SMIM36: variants seen among roughly 807,000 people sequenced by gnomAD.
The protein encoded by SMIM36 is small integral membrane protein 36.
chr17:55,482,043 A>T (rs1909529492), intron 1 of SMIM36, among the ~76,000 whole-genome samples: 1 of 152,132 alleles, frequency 6.6e-6, no homozygotes. Context: ...GTGGTATAGG[A>T]CAATAACCCT....
At chr17:55,502,511 G>T (rs944349769) in intron 1 of SMIM36, among the ~76,000 whole-genome samples, 1 of 108,834 alleles carries the variant, frequency 9.2e-6, no homozygotes, top group Non-Finnish European at 1.8e-5. Flanking sequence ...GCAGCTGAGG[G>T]TCCTGTCTGT....
intron 3 of SMIM36, chr17:55,468,490 G>A (rs950412666): frequency 6.5e-6 from 1 of 153,168 alleles, no homozygotes; most frequent in African/African-American, 2.4e-5. Context: ...TTCCGTTGGT[G>A]TCTGATTATA....
At chr17:55,487,919 G>C (rs1598453581) in intron 1 of SMIM36, among the ~76,000 whole-genome samples, 1 of 152,318 alleles carries the variant, frequency 6.6e-6, no homozygotes, top group Middle Eastern at 3.4e-3. Flanking sequence ...ACGGAGTGGG[G>C]ATTCCAGACC....
chr17:55,511,255 A>G (rs1300124857), exon 1 of SMIM36: 1 of 398,510 alleles, frequency 2.5e-6, no homozygotes, highest in African/African-American at 2.1e-5. Context: ...GATGAGGAAG[A>G]CCAGGAGCAA....
intron 1 of SMIM36, among the ~76,000 whole-genome samples, chr17:55,485,450 TGA>T: frequency 1.1e-5 from 1 of 89,078 alleles, no homozygotes; most frequent in Non-Finnish European, 2.4e-5. Context: ...CATACCCTGC[TGA>T]TTTTTTTTTT....
At chr17:55,500,501 G>A (rs1461149413) in intron 1 of SMIM36, among the ~76,000 whole-genome samples, 1 of 151,786 alleles carries the variant, frequency 6.6e-6, no homozygotes, top group Admixed American at 6.6e-5. Flanking sequence ...TAAAGACTGA[G>A]AAGTTGGTTC....
intron 4 of SMIM36, among the ~76,000 whole-genome samples, chr17:55,461,669 T>C (rs1227834373): frequency 6.6e-6 from 1 of 152,178 alleles, no homozygotes; most frequent in African/African-American, 2.4e-5. Context: ...TAAATTATAC[T>C]GTATATTTAA....
At chr17:55,462,212 AATTAATACTT>A (rs1395923624) in intron 4 of SMIM36, among the ~76,000 whole-genome samples, 1 of 128,960 alleles carries the variant, frequency 7.8e-6, no homozygotes, top group African/African-American at 2.7e-5. Context: ...GTATTAAGTT[AATTAATACTT>A]ATTAATACTT....
At chr17:55,471,267 G>A (rs746463178) in intron 3 of SMIM36, among the ~76,000 whole-genome samples, 10 of 151,878 alleles carry the variant, frequency 6.6e-5, no homozygotes, top group Non-Finnish European at 1.2e-4. Flanking sequence ...CTTTCTTTTC[G>A]CCTGTCTGCC....
At chr17:55,492,035 T>C (rs1909715597) in intron 1 of SMIM36, among the ~76,000 whole-genome samples, 2 of 151,596 alleles carry the variant, frequency 1.3e-5, no homozygotes, top group African/African-American at 4.8e-5. Flanking sequence ...GGCAGGCACC[T>C]GTAGTCCCAG....
chr17:55,467,938 C>CT (rs1909271678), intron 3 of SMIM36: 1 of 152,240 alleles, frequency 6.6e-6, no homozygotes, highest in African/African-American at 2.4e-5. Context: ...TGTGACACTC[C>CT]TTCTCCTGGA....
chr17:55,480,962 T>C (rs1428419696), intron 1 of SMIM36, among the ~76,000 whole-genome samples: 3 of 152,228 alleles, frequency 2.0e-5, no homozygotes, highest in Non-Finnish European at 4.4e-5. Flanking sequence ...AATTTAGCTG[T>C]CTTACAGTCA....
exon 5 of SMIM36, chr17:55,450,044 G>A (rs974333362): frequency 2.6e-5 from 4 of 152,156 alleles, no homozygotes; most frequent in African/African-American, 9.7e-5. Flanking sequence ...GTTAAATCTT[G>A]ACAGTAGGAG....
intron 4 of SMIM36, among the ~76,000 whole-genome samples, chr17:55,455,130 G>T (rs574428360): frequency 6.6e-6 from 1 of 152,336 alleles, no homozygotes; most frequent in African/African-American, 2.4e-5. Context: ...AGGTTGTACT[G>T]ATTTACAGCC....
intron 1 of SMIM36, among the ~76,000 whole-genome samples, chr17:55,494,445 C>T (rs1043492222): frequency 6.6e-6 from 1 of 152,042 alleles, no homozygotes; most frequent in Non-Finnish European, 1.5e-5. Context: ...GCAAAGTTCC[C>T]ATCCCTACCA....
chr17:55,510,757 C>T (rs181782045), intron 1 of SMIM36, 122 bp downstream of exon 1: 86 of 212,924 alleles, frequency 4.0e-4, no homozygotes, highest in Admixed American at 6.5e-4. Flanking sequence ...AAGTCATTCT[C>T]TCCTGTGAGT....
At chr17:55,452,800 G>C (rs1908943604) in intron 4 of SMIM36, among the ~76,000 whole-genome samples, 1 of 152,196 alleles carries the variant, frequency 6.6e-6, no homozygotes, top group Admixed American at 6.5e-5. Context: ...TGTAAATTGT[G>C]TCTTTCCTTA....
chr17:55,462,567 C>A (rs1909164199), intron 4 of SMIM36, among the ~76,000 whole-genome samples: 1 of 152,174 alleles, frequency 6.6e-6, no homozygotes, highest in South Asian at 2.1e-4. Flanking sequence ...GACAGAACCA[C>A]TGCACTCCAG....
intron 4 of SMIM36, among the ~76,000 whole-genome samples, chr17:55,465,809 A>G (rs1454084686): frequency 6.6e-6 from 1 of 152,166 alleles, no homozygotes; most frequent in African/African-American, 2.4e-5. Context: ...CAGGAGAACC[A>G]TCTAGCAGTA....
Sources: gnomAD v4.1 joint callset for allele counts (sites outside exome capture counted in the v4.1 genomes callset) on GRCh38, gnomAD v4.1.1 for gene constraint, MANE v1.5 for transcripts, NCBI Gene and HGNC (gene_info 2026-07-23, HGNC 2026-07-21) for gene names.